OR52L1: variants seen among roughly 807,000 people sequenced by gnomAD.
OR52L1 encodes olfactory receptor 52L1.
In OR52L1, 15 loss-of-function variants were observed where a neutral mutation model predicts 16.1. The ratio of observed to expected loss-of-function variants is 0.93; its 90% CI spans 0.62 to 1.44. OR52L1 has a LOEUF of 1.44. Among genes scored for constraint, OR52L1 ranks in the 40% most tolerant of loss-of-function variants. OR52L1 has a pLI of 0.00. For synonymous variants in OR52L1, 166 were observed against 159.2 expected (o/e 1.04, Z -0.32); for missense variants, 406 against 402.3 (o/e 1.01, Z -0.08).
chr11:5,986,194 A>C lies in OR52L1; in HGVS notation c.737T>G (p.Val246Gly), dbSNP rs1334365109. ...CTTAAGTCGGGCCTCACTCCCTGGT[A>C]CCTTCAGCACTGCCTGGAGGATGTG... ...YAHILQAVLK[V>G]PGSEARLKAF... Residue 246 changes from valine to glycine, a missense_variant, in exon 1 of 1, where the codon GTA becomes GGA. Val to Gly is a moderately radical substitution (Grantham distance 109, BLOSUM62 -3). Coordinates refer to ENST00000332249, the MANE Select transcript of OR52L1 (RefSeq NM_001005173.3). The C allele has an allele frequency of 3.1e-6, 5 of 1,613,708 alleles. No homozygotes were observed. In the East Asian group the frequency reaches 1.1e-4, roughly 36 times the overall value.
chr11:5,985,933 T>C lies in OR52L1; in HGVS notation c.*8A>G. 6.3e-7 allele frequency: 1 copy of C among 1,593,526 alleles called. No individual in the cohort carries two copies. The highest frequency in any genetic ancestry group is 8.6e-7 in the Non-Finnish European group (1 of 1,169,492). On this transcript the variant is annotated 3_prime_UTR_variant, in exon 1 of 1. Transcript: ENST00000332249. ...GCCTCCGAAGGAAACAATGAGAATATGTTCAGATCAATCCTTTTGTGTAAA... is the reference window on the plus strand; with the variant it reads ...GCCTCCGAAGGAAACAATGAGAATACGTTCAGATCAATCCTTTTGTGTAAA...
In OR52L1 at chr11:5,986,226, G is replaced by T; in HGVS notation, c.705C>A (p.Ser235=). 1 of 1,613,754 alleles carries T rather than the reference G, an allele frequency of 6.2e-7. No individual in the cohort carries two copies. Among genetic ancestry groups the T allele is most frequent in the African/African-American group, 1.3e-5 (1 of 75,026 alleles). Reference sequence around the variant, plus strand: ...GCACTGCCTGGAGGATGTGGGCATAGGAAACACCAATGGCCAGAACATCCA... The same window carrying T: ...GCACTGCCTGGAGGATGTGGGCATATGAAACACCAATGGCCAGAACATCCA... The part of the protein sequence containing the change: ...IGLDVLAIGV[S]YAHILQAVLK... Residue 235 remains serine (S), a synonymous_variant, in exon 1 of 1, where the codon TCC becomes TCA. Coordinates refer to ENST00000332249, the MANE Select transcript of OR52L1 (RefSeq NM_001005173.3).
rs1249743166 is a variant in OR52L1 at position 5,986,501 on chromosome 11, T to C, written c.430A>G (p.Ile144Val). 1 of 1,613,800 alleles carries C rather than the reference T, an allele frequency of 6.2e-7. No homozygotes were observed. The highest frequency in any genetic ancestry group is 1.7e-5 in the Admixed American group (1 of 60,016). ...VAMALDRYVA[I>V]CHPLHHSTIL... ...GTGGAATGGTGCAAGGGGTGACAAA[T>C]GGCTACATAGCGATCCAGAGCCATG... The change falls in exon 1 of 1, where the codon ATT becomes GTT. Residue 144 changes from isoleucine (I) to valine (V), a missense_variant. By Grantham distance (29) the Ile-to-Val change is conservative (BLOSUM62 3). Transcript: ENST00000332249.
In OR52L1 at chr11:5,986,421, T is replaced by C; in HGVS notation, c.510A>G (p.Gly170=). 6.2e-7 allele frequency: 1 copy of C among 1,613,912 alleles called. No homozygotes were observed. The highest frequency in any genetic ancestry group is 8.5e-7 in the Non-Finnish European group (1 of 1,179,858). ...TGGGGAAGGGGATAAGGAGTAGTAA[T>C]CCCCTCACCAGCACCACCATTCCGA... is the stretch of plus-strand genomic sequence containing the variant. The part of the protein sequence containing the change: ...GRIGMVVLVR[G]LLLLIPFPIL... Residue 170 remains glycine (G), a synonymous_variant, in exon 1 of 1, where the codon GGA becomes GGG. Transcript: ENST00000332249.
In OR52L1 at chr11:5,986,164, A is replaced by G. The variant is rs1564807293; in HGVS notation, c.767T>C (p.Phe256Ser). 3.1e-6 allele frequency: 5 copies of G among 1,613,866 alleles called. No individual in the cohort carries two copies. The highest frequency in any genetic ancestry group is 1.7e-4 in the Middle Eastern group (1 of 6,058). ...ACAAATATGAGAGCCACATGTGCTA[A>G]ACGCCTTAAGTCGGGCCTCACTCCC... ...VPGSEARLKAFSTCGSHICVI... is the reference protein window; with the variant it reads ...VPGSEARLKASSTCGSHICVI... Residue 256 changes from phenylalanine to serine, a missense_variant, in exon 1 of 1, where the codon TTT becomes TCT. By Grantham distance (155) the Phe-to-Ser change is radical. Transcript: ENST00000332249.
Position 5,986,080 on chromosome 11 carries a change from T to G in OR52L1, c.851A>C (p.His284Pro). The part of the protein sequence containing the change: ...IFSFLTHRFG[H>P]HVPHHVHVLL... ...AACATGGACATGATGGGGTACATGA[T>G]GACCAAAGCGGTGAGTGAGGAAGGA... The change falls in exon 1 of 1, where the codon CAT becomes CCT. Residue 284 changes from histidine to proline, a missense_variant. By Grantham distance (77) the His-to-Pro change is moderately conservative (BLOSUM62 -2). Transcript: ENST00000332249. The G allele has an allele frequency of 6.2e-7, 1 of 1,613,972 alleles. No homozygotes were observed.
Position 5,985,986 on chromosome 11 carries a change from C to T in OR52L1, c.945G>A (p.Gln315=). 6.2e-7 allele frequency: 1 copy of T among 1,612,256 alleles called. No individual in the cohort carries two copies. Among genetic ancestry groups the T allele is most frequent in the Non-Finnish European group, 8.5e-7 (1 of 1,179,116 alleles). Residue 315 remains glutamine (Q), a synonymous_variant, in exon 1 of 1, where the codon CAG becomes CAA. Transcript: ENST00000332249. The part of the protein sequence containing the change: ...LNPLVYGVKT[Q]QIRQRVLRVF... The stretch of plus-strand genomic sequence containing the variant: ...CTCTGAGCACTCGCTGGCGGATCTG[C>T]TGAGTCTTCACTCCATAGACAAGAG...
Position 5,986,726 on chromosome 11 carries a change from T to C in OR52L1, c.205A>G (p.Met69Val), listed in dbSNP as rs773732744. ...GNVTILFIIW[M>V]DPSLHQSMYL... Reference sequence around the variant, plus strand: ...ATAGATTGGTGCAAGGATGGGTCCATCCAGATGATGAAGAGAATGGTAACA... The same window carrying C: ...ATAGATTGGTGCAAGGATGGGTCCACCCAGATGATGAAGAGAATGGTAACA... The change falls in exon 1 of 1, where the codon ATG becomes GTG. Residue 69 changes from methionine (M) to valine (V), a missense_variant. Transcript: ENST00000332249. 6.2e-7 allele frequency: 1 copy of C among 1,613,898 alleles called. No homozygotes were observed. The highest frequency in any genetic ancestry group is 8.5e-7 in the Non-Finnish European group (1 of 1,179,856).
At position 5,986,133 on chromosome 11, in the gene OR52L1, G is replaced by A. The variant is rs1030251666; in HGVS notation, c.798C>T (p.Ile266=). ...FSTCGSHICV[I]LVFYVPGIFS... is the part of the protein sequence containing the mutation. ...AAATTCCAGGGACATAGAAGACCAG[G>A]ATGACACAAATATGAGAGCCACATG... The change falls in exon 1 of 1, where the codon ATC becomes ATT. Residue 266 remains isoleucine, a synonymous_variant. Coordinates refer to ENST00000332249, the MANE Select transcript of OR52L1 (RefSeq NM_001005173.3). The A allele has an allele frequency of 6.2e-7, 1 of 1,613,954 alleles. No homozygotes were observed. Among genetic ancestry groups the A allele is most frequent in the Non-Finnish European group, 8.5e-7 (1 of 1,179,866 alleles).
In OR52L1 at chr11:5,986,265, C is replaced by T. The variant is rs1564807369; in HGVS notation, c.666G>A (p.Leu222=). The T allele has an allele frequency of 6.2e-7, 1 of 1,613,960 alleles. No homozygotes were observed. Among genetic ancestry groups the T allele is most frequent in the East Asian group, 2.2e-5 (1 of 44,874 alleles). Reference sequence around the variant, plus strand: ...CCAGAACATCCAGCCCAATCACAAGCAAGGCCATAGTCAGCCCATAAGCTC... The same window carrying T: ...CCAGAACATCCAGCCCAATCACAAGTAAGGCCATAGTCAGCCCATAAGCTC... ...VNRAYGLTMA[L]LVIGLDVLAI... is the part of the protein sequence containing the mutation. Residue 222 remains leucine (L), a synonymous_variant, in exon 1 of 1, where the codon TTG becomes TTA. Coordinates refer to ENST00000332249, the MANE Select transcript of OR52L1 (RefSeq NM_001005173.3).
chr11:5,986,083 C>G lies in OR52L1; in HGVS notation c.848G>C (p.Gly283Ala). 12 of 1,613,840 alleles carry G rather than the reference C, an allele frequency of 7.4e-6. No homozygotes were observed. The highest frequency in any genetic ancestry group is 1.3e-5 in the African/African-American group (1 of 74,976). ...GIFSFLTHRF[G>A]HHVPHHVHVL... ...ATGGACATGATGGGGTACATGATGA[C>G]CAAAGCGGTGAGTGAGGAAGGAGAA... The change falls in exon 1 of 1, where the codon GGT becomes GCT. Residue 283 changes from glycine (G) to alanine (A), a missense_variant. Coordinates refer to ENST00000332249, the MANE Select transcript of OR52L1 (RefSeq NM_001005173.3).
Position 5,986,054 on chromosome 11 carries a change from G to A in OR52L1, c.877C>T (p.Leu293Phe). ...GHHVPHHVHV[L>F]LATRYLLMPP... Reference sequence around the variant, plus strand: ...ATGAGGAGATACCGTGTGGCCAGAAGAACATGGACATGATGGGGTACATGA... The same window carrying A: ...ATGAGGAGATACCGTGTGGCCAGAAAAACATGGACATGATGGGGTACATGA... Residue 293 changes from leucine (L) to phenylalanine (F), a missense_variant, in exon 1 of 1, where the codon CTT becomes TTT. Coordinates refer to ENST00000332249, the MANE Select transcript of OR52L1 (RefSeq NM_001005173.3). The A allele has an allele frequency of 4.3e-6, 7 of 1,613,928 alleles. No homozygotes were observed. The highest frequency in any genetic ancestry group is 5.1e-6 in the Non-Finnish European group (6 of 1,179,840).
rs1848119643 is a variant in OR52L1 at position 5,986,553 on chromosome 11, G to A, written c.378C>T (p.Ser126=). 2 of 1,613,832 alleles carry A rather than the reference G, an allele frequency of 1.2e-6. No homozygotes were observed. Among genetic ancestry groups the A allele is most frequent in the Admixed American group, 1.7e-5 (1 of 60,004 alleles). ...LIQMFFIHAF[S]SMESGVLVAM... Reference sequence around the variant, plus strand: ...CCACAAGTACCCCTGACTCCATGGAGGAGAATGCATGGATGAAGAACATCT... The same window carrying A: ...CCACAAGTACCCCTGACTCCATGGAAGAGAATGCATGGATGAAGAACATCT... The change falls in exon 1 of 1, where the codon TCC becomes TCT. Residue 126 remains serine, a synonymous_variant. Transcript: ENST00000332249.
Position 5,986,365 on chromosome 11 carries a change from G to A in OR52L1, c.566C>T (p.Ala189Val), listed in dbSNP as rs776558521. Reference protein sequence around the residue: ...ILLGTLIFCQATIIGHAYCEH... With the variant: ...ILLGTLIFCQVTIIGHAYCEH... ...ACAATAGGCATGGCCTATGATGGTGGCTTGGCAGAAGATAAGTGTTCCCAA... is the reference window on the plus strand; with the variant it reads ...ACAATAGGCATGGCCTATGATGGTGACTTGGCAGAAGATAAGTGTTCCCAA... The change falls in exon 1 of 1, where the codon GCC (alanine) becomes GTC (valine). Residue 189 changes from alanine to valine, a missense_variant. Physicochemically the swap from Ala to Val is moderately conservative, Grantham distance 64. Coordinates refer to ENST00000332249, the MANE Select transcript of OR52L1 (RefSeq NM_001005173.3). 24 of 1,613,838 alleles carry A rather than the reference G, an allele frequency of 1.5e-5. No individual in the cohort carries two copies. Among genetic ancestry groups the A allele is most frequent in the Non-Finnish European group, 1.9e-5 (23 of 1,179,864 alleles).
rs1354729012 is a variant in OR52L1 at position 5,986,772 on chromosome 11, G to T, written c.159C>A (p.Tyr53Ter). The change falls in exon 1 of 1, where the codon TAC becomes TAA. Residue 53 changes from tyrosine to a stop codon, truncating the protein, a stop_gained. Coordinates refer to ENST00000332249, the MANE Select transcript of OR52L1 (RefSeq NM_001005173.3). LOFTEE classifies it high-confidence loss of function. ...TAACATTGCCCACTAAAGCAAGGAG[G>T]TAAAGGATGCCCAGGGGCAGTGCAA... ...HWIALPLGILYLLALVGNVTI... is the reference protein window; with the variant it reads ...HWIALPLGIL 8.7e-6 allele frequency: 14 copies of T among 1,613,890 alleles called. No homozygotes were observed. The highest frequency in any genetic ancestry group is 1.2e-5 in the Non-Finnish European group (14 of 1,179,872).
At position 5,986,189 on chromosome 11, in the gene OR52L1, C is replaced by T; in HGVS notation, c.742G>A (p.Gly248Arg). 3.1e-6 allele frequency: 5 copies of T among 1,613,858 alleles called. No individual in the cohort carries two copies. The highest frequency in any genetic ancestry group is 4.2e-6 in the Non-Finnish European group (5 of 1,179,892). The change falls in exon 1 of 1, where the codon GGG (glycine) becomes AGG (arginine). Residue 248 changes from glycine (G) to arginine (R), a missense_variant. By Grantham distance (125) the Gly-to-Arg change is moderately radical. Coordinates refer to ENST00000332249, the MANE Select transcript of OR52L1 (RefSeq NM_001005173.3). The part of the protein sequence containing the change: ...HILQAVLKVP[G>R]SEARLKAFST... ...AACGCCTTAAGTCGGGCCTCACTCC[C>T]TGGTACCTTCAGCACTGCCTGGAGG...
At position 5,986,482 on chromosome 11, in the gene OR52L1, T is replaced by C; in HGVS notation, c.449A>G (p.His150Arg). The C allele has an allele frequency of 6.2e-7, 1 of 1,613,964 alleles. No homozygotes were observed. The highest frequency in any genetic ancestry group is 1.1e-5 in the South Asian group (1 of 91,080). ...RYVAICHPLH[H>R]STILHPGVIG... ...GACCCCTGGATGCAGGATTGTGGAA[T>C]GGTGCAAGGGGTGACAAATGGCTAC... The change falls in exon 1 of 1, where the codon CAT (histidine) becomes CGT (arginine). Residue 150 changes from histidine to arginine, a missense_variant. His to Arg is a conservative substitution (Grantham distance 29). Transcript: ENST00000332249.
Position 5,986,506 on chromosome 11 carries a change from A to T in OR52L1, c.425T>A (p.Val142Glu). Residue 142 changes from valine (V) to glutamate (E), a missense_variant, in exon 1 of 1, where the codon GTA (valine) becomes GAA (glutamate). Val to Glu is a moderately radical substitution (Grantham distance 121, BLOSUM62 -2). Coordinates refer to ENST00000332249, the MANE Select transcript of OR52L1 (RefSeq NM_001005173.3). ...VLVAMALDRY[V>E]AICHPLHHST... ...ATGGTGCAAGGGGTGACAAATGGCT[A>T]CATAGCGATCCAGAGCCATGGCCAC... The T allele has an allele frequency of 1.2e-6, 2 of 1,613,880 alleles. No individual in the cohort carries two copies. The highest frequency in any genetic ancestry group is 1.7e-6 in the Non-Finnish European group (2 of 1,179,770).
rs763489154 is a variant in OR52L1 at position 5,985,902 on chromosome 11, G to T, written c.*39C>A. The T allele has an allele frequency of 5.8e-6, 9 of 1,539,080 alleles. No homozygotes were observed. The Admixed American group carries it at 1.2e-4, about 21-fold the overall frequency. On this transcript the variant is annotated 3_prime_UTR_variant, in exon 1 of 1. Coordinates refer to ENST00000332249, the MANE Select transcript of OR52L1 (RefSeq NM_001005173.3). ...CACAGGCTCCTGGCTGTGGTCCGCA[G>T]AAGAAGCCTCCGAAGGAAACAATGA... is the stretch of plus-strand genomic sequence containing the variant.
Sources: gnomAD v4.1 joint callset for allele counts on GRCh38, gnomAD v4.1.1 for gene constraint, MANE v1.5 for transcripts, NCBI Gene and HGNC (gene_info 2026-07-23, HGNC 2026-07-21) for gene names.